CADM1: variants seen among roughly 807,000 people sequenced by gnomAD.
CADM1 encodes the protein cell adhesion molecule 1, also known as TSLC-1.
Under a neutral mutation model 53.1 loss-of-function variants are expected in CADM1, and 15 were observed. The observed-to-expected ratio is 0.28, with a 90% CI of 0.19 to 0.44. The LOEUF (loss-of-function observed/expected upper bound fraction) is 0.44. Ranked by LOEUF, CADM1 falls within the 20% of genes least tolerant of loss-of-function variation. The pLI is 1.00. For synonymous variants in CADM1, 281 were observed against 243.0 expected (o/e 1.16, Z -1.45); for missense variants, 434 against 611.3 (o/e 0.71, Z 3.06).
chr11:115,311,132 G>A (rs1432206949), intron 1 of CADM1, among the ~76,000 whole-genome samples: 1 of 152,150 alleles, frequency 6.6e-6, no homozygotes. Context: ...CTTTCCCTGA[G>A]TTCTAGTCAT....
At chr11:115,337,374 AT>A (rs1945294741) in intron 1 of CADM1, among the ~76,000 whole-genome samples, 1 of 152,090 alleles carries the variant, frequency 6.6e-6, no homozygotes, top group Non-Finnish European at 1.5e-5. Context: ...CCAACTTGCT[AT>A]CCTATTAGTT....
At position 115,175,787 on chromosome 11, in the gene CADM1, T is replaced by C. The variant is rs970231506; in HGVS notation, c.*687A>G. ...TGTAGTTCCACAGCAAACAGAACATTTTCTGAATCACAGTCTAATTTTCTA... is the reference window on the plus strand; with the variant it reads ...TGTAGTTCCACAGCAAACAGAACATCTTCTGAATCACAGTCTAATTTTCTA... On this transcript the variant is annotated 3_prime_UTR_variant, in exon 12 of 12. Transcript: ENST00000331581. The C allele has an allele frequency of 7.1e-6, 7 of 992,826 alleles. No individual in the cohort carries two copies. The African/African-American group carries it at 1.2e-4, about 17-fold the overall frequency. The allele number at this position is 992,826 out of a possible 1,614,324, so 61.5% of individuals were successfully genotyped here. A position where few individuals can be genotyped will look rare whatever the true frequency, so the allele number is the denominator to read the frequency against.
intron 1 of CADM1, among the ~76,000 whole-genome samples, chr11:115,485,618 T>A (rs947619735): frequency 6.6e-6 from 1 of 152,166 alleles, no homozygotes; most frequent in East Asian, 1.9e-4. Context: ...GAAACCCCTT[T>A]AACTTGGCTC....
At chr11:115,263,981 A>C (rs139084597) in intron 1 of CADM1, among the ~76,000 whole-genome samples, 1 of 152,316 alleles carries the variant, frequency 6.6e-6, no homozygotes, top group East Asian at 1.9e-4. Flanking sequence ...CATTCACAGA[A>C]GGCAGCTGGG....
rs2134571058 is a variant in CADM1, at chr11:115,176,083, G to T, written c.*391C>A. 6 of 1,078,672 alleles carry T rather than the reference G, an allele frequency of 5.6e-6. No individual in the cohort carries two copies. The highest frequency in any genetic ancestry group is 6.8e-6 in the Non-Finnish European group (6 of 886,052). The allele number at this position is 1,078,672 out of a possible 1,614,324, so 66.8% of individuals were successfully genotyped here. On this transcript the variant is annotated 3_prime_UTR_variant, in exon 12 of 12. Coordinates refer to ENST00000331581, the MANE Select transcript of CADM1 (RefSeq NM_001301043.2). ...CCAGCAGGCAAATTCCAAAATGGGA[G>T]ATTTTGGAAAAAATCCGAAATTGGG...
intron 1 of CADM1, among the ~76,000 whole-genome samples, chr11:115,314,172 A>T (rs1944600486): frequency 6.6e-6 from 1 of 151,668 alleles, no homozygotes; most frequent in Non-Finnish European, 1.5e-5. Flanking sequence ...TGCTCGTATT[A>T]GCAGAGGGAA....
chr11:115,270,708 A>C (rs892406463), intron 1 of CADM1, among the ~76,000 whole-genome samples: 2 of 152,302 alleles, frequency 1.3e-5, no homozygotes, highest in East Asian at 3.9e-4. Flanking sequence ...ACATATTCCC[A>C]ACTCTCACCC....
At chr11:115,178,883 G>A (rs1018499555) in intron 10 of CADM1, 108 bp from the exon 11 acceptor site, 2 of 1,184,446 alleles carry the variant, frequency 1.7e-6, no homozygotes, top group African/African-American at 1.5e-5. Flanking sequence ...TTTAATGGAG[G>A]AGTCACAGAG....
At chr11:115,205,974 A>G (rs1408656848) in intron 8 of CADM1, among the ~76,000 whole-genome samples, 1 of 152,222 alleles carries the variant, frequency 6.6e-6, no homozygotes, top group Non-Finnish European at 1.5e-5. Context: ...AGTTGAAAAC[A>G]TTGTAAGCTG....
chr11:115,342,442 G>A (rs745424243), intron 1 of CADM1, among the ~76,000 whole-genome samples: 51 of 152,134 alleles, frequency 3.4e-4, no homozygotes, highest in Non-Finnish European at 6.0e-4. Context: ...CTACATGGAG[G>A]AACAGAGTGA....
intron 1 of CADM1, among the ~76,000 whole-genome samples, chr11:115,291,332 AC>A (rs1943898171): frequency 6.6e-6 from 1 of 152,192 alleles, no homozygotes; most frequent in Admixed American, 6.5e-5. Flanking sequence ...GTAGAAAAAA[AC>A]CCTTTGTGGA....
At chr11:115,393,317 G>A (rs1946892626) in intron 1 of CADM1, among the ~76,000 whole-genome samples, 1 of 151,354 alleles carries the variant, frequency 6.6e-6, no homozygotes, top group Admixed American at 6.6e-5. Flanking sequence ...GATTATAGCT[G>A]AATTTTATCC....
chr11:115,317,989 C>CT (rs372201360), intron 1 of CADM1, among the ~76,000 whole-genome samples: 1 of 109,532 alleles, frequency 9.1e-6, no homozygotes, highest in Non-Finnish European at 1.8e-5. Context: ...ACACTACACA[C>CT]ACACACACAC....
At chr11:115,214,570 C>A (rs753403057) in intron 7 of CADM1, 38 bp downstream of exon 7, 1 of 1,576,984 alleles carries the variant, frequency 6.3e-7, no homozygotes, top group Non-Finnish European at 8.7e-7. Flanking sequence ...CTCCATGTGA[C>A]TGACTCTAGT....
chr11:115,215,165 T>C (rs113227692), intron 6 of CADM1, among the ~76,000 whole-genome samples: 2 of 152,382 alleles, frequency 1.3e-5, no homozygotes, highest in East Asian at 1.9e-4. Flanking sequence ...TAGTGATACA[T>C]GCATTCATCT....
intron 2 of CADM1, 146 bp downstream of exon 2, chr11:115,240,128 T>G (rs1392985248): frequency 4.1e-6 from 3 of 723,406 alleles, no homozygotes; most frequent in Non-Finnish European, 7.0e-6. Context: ...AGATTATGAT[T>G]GCCTGTCTCT....
chr11:115,320,594 T>C (rs541942461), intron 1 of CADM1, among the ~76,000 whole-genome samples: 22 of 152,242 alleles, frequency 1.4e-4, no homozygotes, highest in African/African-American at 5.3e-4. Flanking sequence ...AGGTTAATAA[T>C]GTTTTATTCC....
In CADM1 at chr11:115,480,856, C is replaced by T. The variant is rs1949242735; in HGVS notation, c.124+23415G>A. Among the ~76,000 whole-genome samples the T allele has an allele frequency of 2.0e-5, 3 of 152,020 alleles. No individual in the cohort carries two copies. The South Asian group carries it at 6.2e-4, about 32-fold the overall frequency. On this transcript the variant is annotated intron_variant, in intron 1 of 11. Coordinates refer to ENST00000331581, the MANE Select transcript of CADM1 (RefSeq NM_001301043.2). ...AGGGTGCAATCTTATCTACATCCAC[C>T]CTCCTTCTTAAAGCCTTGCCCATTA...
At chr11:115,332,481 G>A (rs1945157318) in intron 1 of CADM1, among the ~76,000 whole-genome samples, 2 of 152,172 alleles carry the variant, frequency 1.3e-5, no homozygotes, top group Non-Finnish European at 2.9e-5. Context: ...TCTACTTACT[G>A]AGGATTCTGC....
Sources: gnomAD v4.1 joint callset for allele counts (sites outside exome capture counted in the v4.1 genomes callset) on GRCh38, gnomAD v4.1.1 for gene constraint, MANE v1.5 for transcripts, NCBI Gene and HGNC (gene_info 2026-07-23, HGNC 2026-07-21) for gene names.